Variants in CDH22 observed in about 807,000 individuals in gnomAD.
CDH22 encodes cadherin-22.
Under a neutral mutation model 58.4 loss-of-function variants are expected in CDH22, and 30 were observed. The ratio of observed to expected loss-of-function variants is 0.51; its 90% CI spans 0.38 to 0.70. The LOEUF (loss-of-function observed/expected upper bound fraction) is 0.70, where lower values mean the gene tolerates loss of function less well. Among genes scored for constraint, CDH22 ranks in the 30% least tolerant of loss-of-function variants. The pLI, the probability that CDH22 is intolerant of heterozygous loss-of-function variation, is 0.00. For synonymous variants in CDH22, 513 were observed against 558.2 expected (o/e 0.92, Z 1.14); for missense variants, 1,014 against 1,233.9 (o/e 0.82, Z 2.67).
At chr20:46,185,142 C>G (rs1600686013) in intron 10 of CDH22, among the ~76,000 whole-genome samples, 1 of 150,950 alleles carries the variant, frequency 6.6e-6, no homozygotes, top group African/African-American at 2.4e-5. Flanking sequence ...CACACACACA[C>G]ACACACACAC....
chr20:46,193,938 G>C (rs1357435707), intron 8 of CDH22, among the ~76,000 whole-genome samples: 1 of 152,154 alleles, frequency 6.6e-6, no homozygotes, highest in Non-Finnish European at 1.5e-5. Flanking sequence ...AGGATTGCTT[G>C]AGCCCAGGAG....
chr20:46,196,284 T>A (rs1203575995), intron 8 of CDH22, among the ~76,000 whole-genome samples: 4 of 149,186 alleles, frequency 2.7e-5, no homozygotes, highest in Admixed American at 2.7e-4. Context: ...TGTGGCAGCT[T>A]TTTTTTTTTG....
intron 4 of CDH22, among the ~76,000 whole-genome samples, chr20:46,223,704 T>TCTTTCTTTCTTTC (rs1491334415): frequency 7.8e-4 from 52 of 66,890 alleles, no homozygotes; most frequent in Non-Finnish European, 1.3e-3. Context: ...TTTCTTTCTT[T>TCTTTCTTTCTTTC]CTTTCTTTCT....
intron 1 of CDH22, among the ~76,000 whole-genome samples, chr20:46,254,490 G>T (rs1298345843): frequency 6.6e-6 from 1 of 151,156 alleles, no homozygotes; most frequent in Non-Finnish European, 1.5e-5. Context: ...GGGAGGTGGA[G>T]GTTGTAGTGA....
chr20:46,210,495 G>A lies in CDH22; in HGVS notation c.1098C>T (p.Asp366=), dbSNP rs115705098. 741 of 1,433,150 alleles carry A rather than the reference G, an allele frequency of 5.2e-4. 2 individuals are homozygous for A. The African/African-American group carries it at 9.7e-3, about 19-fold the overall frequency. 88.8% of individuals were successfully genotyped at this position (1,433,150 alleles called of 1,614,324 possible). ...VILEALNKFV[D]PRFADLGTFR... ...ACGTGCCCAGGTCGGCGAAGCGGGG[G>A]TCCACGAACTTGTTGAGGGCCTCCA... The change falls in exon 7 of 12, where the codon GAC becomes GAT. Residue 366 remains aspartate, a synonymous_variant. Coordinates refer to ENST00000537909, the MANE Select transcript of CDH22 (RefSeq NM_021248.3). The surrounding 1 kb of genome is among the most constrained non-coding windows in gnomAD (Gnocchi z 4.5).
chr20:46,186,224 A>G (rs1038465146), intron 10 of CDH22, among the ~76,000 whole-genome samples: 3 of 150,232 alleles, frequency 2.0e-5, no homozygotes, highest in African/African-American at 7.4e-5. Context: ...AAAAAAAATC[A>G]AATAAAAAGC....
intron 4 of CDH22, among the ~76,000 whole-genome samples, chr20:46,223,705 C>CTT (rs1440360973): frequency 1.4e-4 from 8 of 57,024 alleles, no homozygotes; most frequent in Admixed American, 3.4e-4. Context: ...TTCTTTCTTT[C>CTT]TTTCTTTCTT....
chr20:46,201,776 TC>T (rs1416054935), intron 7 of CDH22, among the ~76,000 whole-genome samples: 4 of 152,184 alleles, frequency 2.6e-5, no homozygotes, highest in African/African-American at 9.7e-5. Flanking sequence ...CCCATATTCT[TC>T]TTGCCCCTGG....
Position 46,251,439 on chromosome 20 carries a change from C to A in CDH22, c.-145G>T. 1 of 979,092 alleles carries A rather than the reference C, an allele frequency of 1.0e-6. No individual in the cohort carries two copies. Among genetic ancestry groups the A allele is most frequent in the Non-Finnish European group, 1.3e-6 (1 of 742,404 alleles). The allele number at this position is 979,092 out of a possible 1,614,324, so 60.7% of individuals were successfully genotyped here. A position where few individuals can be genotyped will look rare whatever the true frequency, so the allele number is the denominator to read the frequency against. On this transcript the variant is annotated 5_prime_UTR_variant, in exon 2 of 12. Transcript: ENST00000537909. The surrounding 1 kb of genome is among the most constrained non-coding windows in gnomAD (Gnocchi z 6.7). ...TGTCGCCCCCGACGGGGCACCCGGA[C>A]GGGCCCGCGGCCCTGAACGCCGCCC...
At chr20:46,290,082 T>C (rs2086593824) in intron 1 of CDH22, among the ~76,000 whole-genome samples, 1 of 152,204 alleles carries the variant, frequency 6.6e-6, no homozygotes, top group Non-Finnish European at 1.5e-5. Context: ...CTGGGCCTAA[T>C]GTTTGTGGTC....
At chr20:46,211,325 G>A (rs1029732379) in intron 6 of CDH22, among the ~76,000 whole-genome samples, 1 of 152,196 alleles carries the variant, frequency 6.6e-6, no homozygotes, top group Admixed American at 6.5e-5. Flanking sequence ...TGACCTTCCA[G>A]GAGACTCACA....
chr20:46,220,388 A>C (rs2086114974), intron 4 of CDH22: 1 of 131,876 alleles, frequency 7.6e-6, no homozygotes, highest in South Asian at 2.8e-4. Flanking sequence ...GGGTGAAGAA[A>C]GATGGTGGGG....
intron 8 of CDH22, among the ~76,000 whole-genome samples, chr20:46,197,247 T>C (rs1222031750): frequency 6.6e-6 from 1 of 151,840 alleles, no homozygotes; most frequent in Non-Finnish European, 1.5e-5. Flanking sequence ...CTAATCATGC[T>C]ACTGATGATA....
Position 46,216,606 on chromosome 20 carries a change from G to A in CDH22, c.838+220C>T, listed in dbSNP as rs899140645. 2.0e-5 allele frequency among the ~76,000 whole-genome samples: 3 copies of A among 152,142 alleles called. No homozygotes were observed. Among genetic ancestry groups the A allele is most frequent in the African/African-American group, 7.2e-5 (3 of 41,430 alleles). ...TGATGGTGTGTTACTTGGCTCTGTG[G>A]AGCATCGGACAGCCCTGGGGTCTTC... On this transcript the variant is annotated intron_variant, in intron 5 of 11. Transcript: ENST00000537909. This position sits in a 1 kb window ranked among gnomAD's most constrained non-coding sequence, Gnocchi z 5.3.
chr20:46,260,837 G>A (rs1388424203), intron 1 of CDH22, among the ~76,000 whole-genome samples: 7 of 152,180 alleles, frequency 4.6e-5, no homozygotes, highest in African/African-American at 2.4e-5. Flanking sequence ...CTATGGACAG[G>A]GGAAGGTATT....
intron 2 of CDH22, among the ~76,000 whole-genome samples, 153 bp downstream of exon 2, chr20:46,250,887 G>A (rs1326091603): frequency 6.6e-6 from 1 of 152,184 alleles, no homozygotes; most frequent in Non-Finnish European, 1.5e-5. Context: ...GTGGGAATGG[G>A]GCTCTGGGCC....
In CDH22 at chr20:46,177,936, A is replaced by G. The variant is rs1196923913; in HGVS notation, c.1915+10T>C. On this transcript the variant is annotated intron_variant, in intron 11 of 11. Coordinates refer to ENST00000537909, the MANE Select transcript of CDH22 (RefSeq NM_021248.3). ...ATCAGGCAGGGCTGGGTGGCTCTCGATGGACTCACCAACCAGGATGAGAAC... is the reference window on the plus strand; with the variant it reads ...ATCAGGCAGGGCTGGGTGGCTCTCGGTGGACTCACCAACCAGGATGAGAAC... 2 of 1,612,878 alleles carry G rather than the reference A, an allele frequency of 1.2e-6. No homozygotes were observed. Among genetic ancestry groups the G allele is most frequent in the East Asian group, 4.5e-5 (2 of 44,820 alleles).
At chr20:46,239,232 A>G (rs2086274076) in intron 3 of CDH22, among the ~76,000 whole-genome samples, 2 of 152,170 alleles carry the variant, frequency 1.3e-5, no homozygotes, top group Non-Finnish European at 2.9e-5. Context: ...CACTCAATAA[A>G]TATTTGTTGA....
In CDH22 at chr20:46,300,803, A is replaced by G. The variant is rs1482148110; in HGVS notation, c.-400+7452T>C. The stretch of plus-strand genomic sequence containing the variant: ...CCAAAAACGTCCCAGTGGTCCCTGA[A>G]GAAATCATCGGACAAGAGCGTGAAG... On this transcript the variant is annotated intron_variant, in intron 1 of 11. Coordinates refer to ENST00000537909, the MANE Select transcript of CDH22 (RefSeq NM_021248.3). This position sits in a 1 kb window ranked among gnomAD's most constrained non-coding sequence, Gnocchi z 4.4. 6.6e-6 allele frequency among the ~76,000 whole-genome samples: 1 copy of G among 152,260 alleles called. No individual in the cohort carries two copies.
Sources: allele counts gnomAD v4.1 joint callset (sites outside exome capture counted in the v4.1 genomes callset), GRCh38; gene constraint gnomAD v4.1.1; non-coding constraint Gnocchi (gnomAD v3.1); transcripts MANE v1.5; gene names NCBI Gene and HGNC (gene_info 2026-07-23, HGNC 2026-07-21).